ATP8B1: variants seen among roughly 807,000 people sequenced by gnomAD.
ATP8B1 encodes phospholipid-transporting ATPase IC.
In ATP8B1, 80 loss-of-function variants were observed where a neutral mutation model predicts 149.9. That is an observed-to-expected ratio of 0.53 (90% CI 0.45 to 0.64). ATP8B1 has a LOEUF of 0.64. Ranked by LOEUF, ATP8B1 falls within the 30% of genes least tolerant of loss-of-function variation. ATP8B1 has a pLI of 0.00. For synonymous variants in ATP8B1, 536 were observed against 562.8 expected, an observed-to-expected ratio of 0.95 and a Z score of 0.67; for missense variants, 1,247 against 1,552.6, an observed-to-expected ratio of 0.80 and a Z score of 3.31.
At chr18:57,800,605 T>C (rs2080564602) in intron 1 of ATP8B1, among the ~76,000 whole-genome samples, 1 of 152,192 alleles carries the variant, frequency 6.6e-6, no homozygotes, top group Non-Finnish European at 1.5e-5. Context: ...ATCAATCTAA[T>C]AAAGAAAGTA....
chr18:57,716,496 T>A (rs944694578), intron 2 of ATP8B1, among the ~76,000 whole-genome samples: 2 of 151,116 alleles, frequency 1.3e-5, no homozygotes, highest in Non-Finnish European at 2.9e-5. Flanking sequence ...TTGAAGAAGA[T>A]ATTCCATGCC....
chr18:57,798,108 T>C (rs548564191), intron 1 of ATP8B1, among the ~76,000 whole-genome samples: 1 of 152,162 alleles, frequency 6.6e-6, no homozygotes, highest in South Asian at 2.1e-4. Context: ...AGTCTAAAGA[T>C]GAATGAATGA....
rs543387536 is a variant in ATP8B1 at position 57,748,163 on chromosome 18, G to A, written c.-25-16331C>T. Among the ~76,000 whole-genome samples, 14 of 152,142 alleles carry A rather than the reference G, an allele frequency of 9.2e-5. No individual in the cohort carries two copies. The East Asian group carries it at 1.7e-3, about 19-fold the overall frequency. ...TTTTCCTAGGATGATGGTGGCGTGC[G>A]TTTACAGAGAGCTAACTATGTGTTC... On this transcript the variant is annotated intron_variant, in intron 1 of 27. Coordinates refer to ENST00000648908, the MANE Select transcript of ATP8B1 (RefSeq NM_001374385.1).
intron 1 of ATP8B1, among the ~76,000 whole-genome samples, chr18:57,794,619 T>A (rs988035896): frequency 1.3e-5 from 2 of 151,742 alleles, no homozygotes; most frequent in Non-Finnish European, 2.9e-5. Context: ...ACAGACCAGT[T>A]GGATGATAGA....
chr18:57,789,038 A>G (rs556477778), intron 1 of ATP8B1, among the ~76,000 whole-genome samples: 58 of 152,310 alleles, frequency 3.8e-4, no homozygotes, highest in African/African-American at 1.3e-3. Flanking sequence ...ACAAATTACA[A>G]ATGATTTTGT....
intron 1 of ATP8B1, among the ~76,000 whole-genome samples, chr18:57,777,780 A>G (rs895192854): frequency 3.3e-5 from 5 of 152,088 alleles, no homozygotes; most frequent in African/African-American, 1.2e-4. Context: ...GTGTTGGCCA[A>G]GCTGGTTTCG....
chr18:57,646,817 T>C lies in ATP8B1; in HGVS notation c.*1671A>G, dbSNP rs986346595. The C allele has an allele frequency of 1.4e-4, 22 of 152,626 alleles. No homozygotes were observed. The highest frequency in any genetic ancestry group is 4.6e-4 in the African/African-American group (19 of 41,432). The allele number at this position is 152,626 out of a possible 1,614,324, so 9.5% of individuals were successfully genotyped here. Reference sequence around the variant, plus strand: ...ACATATACACATTGTGATTACCTCATAGGAATTCAACAGGACTGATATTGT... The same window carrying C: ...ACATATACACATTGTGATTACCTCACAGGAATTCAACAGGACTGATATTGT... On this transcript the variant is annotated 3_prime_UTR_variant, in exon 28 of 28. Transcript: ENST00000648908.
intron 2 of ATP8B1, among the ~76,000 whole-genome samples, chr18:57,730,144 T>C (rs319431): frequency 0.98 from 149,458 of 151,974 alleles, 73,538 homozygotes; most frequent in East Asian, 1. Flanking sequence ...ATTGCAGAAA[T>C]GGGATTTCAT....
At chr18:57,673,214 A>G (rs1428477408) in intron 16 of ATP8B1, among the ~76,000 whole-genome samples, 5 of 151,848 alleles carry the variant, frequency 3.3e-5, no homozygotes, top group Admixed American at 6.6e-5. Context: ...CTTTTTAAAA[A>G]TATCAATGGA....
In ATP8B1 at chr18:57,648,717, A is replaced by G. The variant is rs1354198153; in HGVS notation, c.3532-5T>C. ...CCGCTTGCGATGCTTCTGGATCTGC[A>G]AGGGGGAGAGATGGGGAGGGATGAA... is the stretch of plus-strand genomic sequence containing the variant. On this transcript the variant is annotated splice_region_variant and splice_polypyrimidine_tract_variant and intron_variant, in intron 27 of 27. Transcript: ENST00000648908. The G allele has an allele frequency of 1.3e-6, 2 of 1,550,776 alleles. No individual in the cohort carries two copies. Among genetic ancestry groups the G allele is most frequent in the Non-Finnish European group, 1.7e-6 (2 of 1,147,570 alleles).
intron 21 of ATP8B1, 52 bp downstream of exon 21, chr18:57,662,431 A>G (rs1404979506): frequency 1.9e-6 from 3 of 1,610,442 alleles, no homozygotes; most frequent in African/African-American, 2.7e-5. Flanking sequence ...AGTGGCTCCA[A>G]ATGAACTTCT....
intron 1 of ATP8B1, chr18:57,732,164 T>C (rs1340021292): frequency 9.2e-6 from 1 of 109,114 alleles, no homozygotes; most frequent in East Asian, 2.4e-4. Flanking sequence ...TATATATATG[T>C]ATATATGTAT....
intron 19 of ATP8B1, chr18:57,667,602 G>C (rs1910954964): frequency 5.0e-6 from 1 of 199,040 alleles, no homozygotes; most frequent in Admixed American, 5.3e-5. Flanking sequence ...ACAAGTGAAA[G>C]TCAAAGTCTA....
chr18:57,756,202 TATATATATACAC>T (rs1331128881), intron 1 of ATP8B1, among the ~76,000 whole-genome samples: 2 of 88,000 alleles, frequency 2.3e-5, no homozygotes, highest in East Asian at 2.4e-4. Context: ...CATATATATA[TATATATATACAC>T]ACACACACAC....
At chr18:57,732,345 G>GTGTA (rs2079793077) in intron 1 of ATP8B1, among the ~76,000 whole-genome samples, 1 of 28,928 alleles carries the variant, frequency 3.5e-5, no homozygotes, top group Non-Finnish European at 6.2e-5. Context: ...GTATATATAT[G>GTGTA]TATATATGTG....
chr18:57,684,317 T>A (rs1912126844), intron 14 of ATP8B1, 125 bp from the exon 15 acceptor site: 3 of 1,045,558 alleles, frequency 2.9e-6, no homozygotes, highest in Non-Finnish European at 4.2e-6. Context: ...TTTTAGCACA[T>A]TCTTAAATGT....
At chr18:57,762,893 T>C (rs2080170750) in intron 1 of ATP8B1, among the ~76,000 whole-genome samples, 1 of 152,152 alleles carries the variant, frequency 6.6e-6, no homozygotes, top group Non-Finnish European at 1.5e-5. Context: ...GAACAATCTT[T>C]TAAAAATCTG....
At chr18:57,798,637 C>T (rs959156098) in intron 1 of ATP8B1, among the ~76,000 whole-genome samples, 5 of 151,810 alleles carry the variant, frequency 3.3e-5, no homozygotes, top group Non-Finnish European at 7.4e-5. Context: ...AAAACAGGAG[C>T]GTGGAGGATG....
At chr18:57,737,386 C>T (rs409042) in intron 1 of ATP8B1, among the ~76,000 whole-genome samples, 148,399 of 151,978 alleles carry the variant, frequency 0.98, 72,544 homozygotes, top group East Asian at 1. Context: ...ACACAAACCA[C>T]TGTTTGTTTC....
Sources: gnomAD v4.1 joint callset for allele counts (sites outside exome capture counted in the v4.1 genomes callset) on GRCh38, gnomAD v4.1.1 for gene constraint, MANE v1.5 for transcripts, NCBI Gene and HGNC (gene_info 2026-07-23, HGNC 2026-07-21) for gene names.